Variants in CFTR observed in about 807,000 individuals in gnomAD.
CFTR encodes the protein CF transmembrane conductance regulator.
A neutral mutation model predicts 171.6 loss-of-function variants in CFTR; 181 were observed. That is an observed-to-expected ratio of 1.05 (90% CI 0.93 to 1.19). CFTR has a LOEUF of 1.19. Ranked by LOEUF, CFTR falls within the 50% of genes most tolerant of loss-of-function variation. CFTR has a pLI of 0.00. For missense variants in CFTR, 1,968 were observed against 1,734.7 expected (o/e 1.13, Z -2.39); for synonymous variants, 583 against 608.0 (o/e 0.96, Z 0.60).
At chr7:117,642,734 T>C (rs1792940096) in intron 23 of CFTR, 141 bp downstream of exon 23, 2 of 877,536 alleles carry the variant, frequency 2.3e-6, no homozygotes, top group Admixed American at 4.6e-5. Context: ...AGTGCAGTTT[T>C]CTCATAGGCA....
chr7:117,507,828 G>A (rs923028768), intron 2 of CFTR, among the ~76,000 whole-genome samples: 2 of 152,204 alleles, frequency 1.3e-5, no homozygotes, highest in East Asian at 3.8e-4. Context: ...GTCTCGCTGT[G>A]TCACCCAGGC....
intron 10 of CFTR, among the ~76,000 whole-genome samples, chr7:117,550,739 C>A (rs1799255768): frequency 6.6e-6 from 1 of 152,132 alleles, no homozygotes; most frequent in African/African-American, 2.4e-5. Flanking sequence ...AAATTTCAGG[C>A]AGTTTTATTA....
chr7:117,523,369 G>GT (rs1293358347), intron 3 of CFTR, among the ~76,000 whole-genome samples: 4 of 146,668 alleles, frequency 2.7e-5, no homozygotes, highest in African/African-American at 1.0e-4. Context: ...TTTTTGTTTT[G>GT]TTTTGTTTTT....
chr7:117,556,141 T>C (rs1473413201), intron 10 of CFTR, among the ~76,000 whole-genome samples: 1 of 152,148 alleles, frequency 6.6e-6, no homozygotes, highest in Non-Finnish European at 1.5e-5. Flanking sequence ...CTCGGCTCAC[T>C]GCAACCTCTG....
chr7:117,561,185 G>A (rs917239933), intron 11 of CFTR, among the ~76,000 whole-genome samples: 1 of 152,000 alleles, frequency 6.6e-6, no homozygotes, highest in African/African-American at 2.4e-5. Context: ...ATAAGACATA[G>A]TCTATTTTTC....
chr7:117,584,842 C>A (rs1221607483), intron 11 of CFTR, among the ~76,000 whole-genome samples: 1 of 151,766 alleles, frequency 6.6e-6, no homozygotes, highest in African/African-American at 2.4e-5. Context: ...CCTGTGATTT[C>A]TTTGAGCAGC....
In CFTR at chr7:117,535,295, A is replaced by G. The variant is rs397508773; in HGVS notation, c.627A>G (p.Ala209=). The G allele has an allele frequency of 7.4e-6, 12 of 1,613,760 alleles. No homozygotes were observed. Among genetic ancestry groups the G allele is most frequent in the Admixed American group, 1.7e-5 (1 of 59,960 alleles). ...HFVWIAPLQV[A]LLMGLIWELL... The stretch of plus-strand genomic sequence containing the variant: ...TGTGGATCGCTCCTTTGCAAGTGGC[A>G]CTCCTCATGGGGCTAATCTGGGAGT... Residue 209 remains alanine (A), a synonymous_variant, in exon 6 of 27, where the codon GCA becomes GCG. Transcript: ENST00000003084.
chr7:117,667,103 C>G lies in CFTR; in HGVS notation c.4438C>G (p.Leu1480Val). 1 of 1,613,632 alleles carries G rather than the reference C, an allele frequency of 6.2e-7. No homozygotes were observed. The highest frequency in any genetic ancestry group is 8.5e-7 in the Non-Finnish European group (1 of 1,179,700). Residue 1480 changes from leucine (L) to valine (V), a missense_variant, in exon 27 of 27, where the codon CTT becomes GTT. Physicochemically the swap from Leu to Val is conservative, Grantham distance 32. Transcript: ENST00000003084. ...ETEEEVQDTR[L>V] is the part of the protein sequence containing the mutation. ...AGAAGAAGAGGTGCAAGATACAAGG[C>G]TTTAGAGAGCAGCATAAATGTTGAC... is the stretch of plus-strand genomic sequence containing the variant.
chr7:117,629,528 A>G (rs1165458658), intron 22 of CFTR, among the ~76,000 whole-genome samples: 1 of 152,240 alleles, frequency 6.6e-6, no homozygotes, highest in African/African-American at 2.4e-5. Flanking sequence ...ACAGAATAAT[A>G]GAAAAGTCAC....
rs1413926814 is a variant in CFTR, at chr7:117,535,380, G to T, written c.712G>T (p.Ala238Ser). The T allele has an allele frequency of 6.2e-7, 1 of 1,613,946 alleles. No homozygotes were observed. Among genetic ancestry groups the T allele is most frequent in the South Asian group, 1.1e-5 (1 of 91,082 alleles). ...CCTGATAGTCCTTGCCCTTTTTCAG[G>T]CTGGGCTAGGGAGAATGATGATGAA... ...GFLIVLALFQ[A>S]GLGRMMMKYR... The change falls in exon 6 of 27, where the codon GCT (alanine) becomes TCT (serine). Residue 238 changes from alanine to serine, a missense_variant. Physicochemically the swap from Ala to Ser is moderately conservative, Grantham distance 99. Transcript: ENST00000003084.
At chr7:117,613,675 T>G (rs1792438596) in intron 20 of CFTR, among the ~76,000 whole-genome samples, 1 of 152,144 alleles carries the variant, frequency 6.6e-6, no homozygotes. Flanking sequence ...TGAAAATAAT[T>G]TAATACTACA....
chr7:117,506,732 T>G (rs1013701022), intron 2 of CFTR, among the ~76,000 whole-genome samples: 1 of 152,194 alleles, frequency 6.6e-6, no homozygotes, highest in African/African-American at 2.4e-5. Flanking sequence ...TGATTCAATT[T>G]AAAAAATATA....
intron 23 of CFTR, among the ~76,000 whole-genome samples, chr7:117,647,068 G>A (rs1562924495): frequency 6.6e-6 from 1 of 151,924 alleles, no homozygotes; most frequent in Non-Finnish European, 1.5e-5. Context: ...TTTTGACTGA[G>A]GAATATTTTA....
At chr7:117,484,654 C>T (rs893708261) in intron 1 of CFTR, among the ~76,000 whole-genome samples, 1 of 151,788 alleles carries the variant, frequency 6.6e-6, no homozygotes, top group Non-Finnish European at 1.5e-5. Context: ...CTAAAAGTAC[C>T]TCCTGTACCT....
intron 19 of CFTR, 90 bp from the exon 20 acceptor site, chr7:117,611,491 C>A: frequency 1.2e-6 from 1 of 821,888 alleles, no homozygotes; most frequent in Non-Finnish European, 2.1e-6. Context: ...TATGATTATT[C>A]TAATTTAGTC....
In CFTR at chr7:117,556,765, C is replaced by T. The variant is rs1043118625; in HGVS notation, c.1393-2699C>T. On this transcript the variant is annotated intron_variant, in intron 10 of 26. Transcript: ENST00000003084. ...CGATCTCCTGACCTCGTGATCCGCC[C>T]GCCTCGGCCTCCCAAAGTGCTGGGA... 3.4e-5 allele frequency among the ~76,000 whole-genome samples: 5 copies of T among 148,478 alleles called. No homozygotes were observed. The East Asian group carries it at 6.1e-4, about 18-fold the overall frequency.
intron 21 of CFTR, among the ~76,000 whole-genome samples, chr7:117,615,054 G>C (rs1044255811): frequency 5.3e-5 from 8 of 152,012 alleles, no homozygotes; most frequent in African/African-American, 1.7e-4. Context: ...CTGTTGTACT[G>C]ATATATATCC....
chr7:117,592,621 G>A lies in CFTR; in HGVS notation c.2454G>A (p.Leu818=), dbSNP rs1182328637. 4 of 1,533,830 alleles carry A rather than the reference G, an allele frequency of 2.6e-6. No individual in the cohort carries two copies. In the South Asian group the frequency reaches 4.1e-5, roughly 16 times the overall value. ...YSRRLSQETG[L]EISEEINEED... ...GAAGGTTATCTCAAGAAACTGGCTTGGAAATAAGTGAAGAAATTAACGAAG... is the reference window on the plus strand; with the variant it reads ...GAAGGTTATCTCAAGAAACTGGCTTAGAAATAAGTGAAGAAATTAACGAAG... Residue 818 remains leucine, a synonymous_variant, in exon 14 of 27, where the codon TTG becomes TTA. Coordinates refer to ENST00000003084, the MANE Select transcript of CFTR (RefSeq NM_000492.4).
Position 117,535,348 on chromosome 7 carries a change from T to A in CFTR, c.680T>A (p.Leu227His). 3 of 1,614,122 alleles carry A rather than the reference T, an allele frequency of 1.9e-6. No homozygotes were observed. Among genetic ancestry groups the A allele is most frequent in the Non-Finnish European group, 2.5e-6 (3 of 1,180,014 alleles). ...ELLQASAFCGLGFLIVLALFQ... is the reference protein window; with the variant it reads ...ELLQASAFCGHGFLIVLALFQ... ...TTACAGGCGTCTGCCTTCTGTGGAC[T>A]TGGTTTCCTGATAGTCCTTGCCCTT... Residue 227 changes from leucine to histidine, a missense_variant, in exon 6 of 27, where the codon CTT becomes CAT. Coordinates refer to ENST00000003084, the MANE Select transcript of CFTR (RefSeq NM_000492.4).
Sources: allele counts gnomAD v4.1 joint callset (sites outside exome capture counted in the v4.1 genomes callset), GRCh38; gene constraint gnomAD v4.1.1; transcripts MANE v1.5; gene names NCBI Gene and HGNC (gene_info 2026-07-23, HGNC 2026-07-21).